The following TICRR variants were observed in gnomAD, a reference collection of about 807,000 sequenced individuals.
The protein encoded by TICRR is TOPBP1 interacting checkpoint and replication regulator.
Under a neutral mutation model 178.1 loss-of-function variants are expected in TICRR, and 132 were observed. The ratio of observed to expected loss-of-function variants is 0.74; its 90% CI spans 0.64 to 0.86. The LOEUF (loss-of-function observed/expected upper bound fraction) is 0.86. Among genes scored for constraint, TICRR ranks in the 40% least tolerant of loss-of-function variants. The pLI is 0.00. For synonymous variants in TICRR, 991 were observed against 900.7 expected (o/e 1.10, Z -1.79); for missense variants, 2,587 against 2,334.3 (o/e 1.11, Z -2.23).
chr15:89,616,390 G>T lies in TICRR; in HGVS notation c.2870-15G>T, dbSNP rs1332502394. 2 of 1,609,602 alleles carry T rather than the reference G, an allele frequency of 1.2e-6. No homozygotes were observed. Among genetic ancestry groups the T allele is most frequent in the Non-Finnish European group, 1.7e-6 (2 of 1,176,002 alleles). ...TTAAATGAAATTTATGATTTAAGCT[G>T]TGTTTACATTTTAGGTTATCACAAA... On this transcript the variant is annotated splice_polypyrimidine_tract_variant and intron_variant, in intron 15 of 21. Coordinates refer to ENST00000268138, the MANE Select transcript of TICRR (RefSeq NM_152259.4).
intron 15 of TICRR, among the ~76,000 whole-genome samples, chr15:89,616,121 G>C (rs1195412088): frequency 6.6e-6 from 1 of 152,168 alleles, no homozygotes; most frequent in Non-Finnish European, 1.5e-5. Context: ...CTGACCTCAA[G>C]TGATCCGCCC....
chr15:89,581,123 G>A (rs768109073), intron 1 of TICRR, among the ~76,000 whole-genome samples: 13 of 152,296 alleles, frequency 8.5e-5, no homozygotes, highest in Non-Finnish European at 1.3e-4. Context: ...GACCATGGAC[G>A]ATTCCCTGCT....
Position 89,625,617 on chromosome 15 carries a change from G to A in TICRR, c.5307G>A (p.Gly1769=), listed in dbSNP as rs1431690623. The part of the protein sequence containing the change: ...AEEASSWGQF[G]LSSRKRVLLA... The stretch of plus-strand genomic sequence containing the variant: ...AAGCCTCTTCCTGGGGACAGTTTGG[G>A]TTGAGTTCCAGGAAGAGAGTCCTGT... Residue 1769 remains glycine (G), a synonymous_variant, in exon 20 of 22, where the codon GGG becomes GGA. Coordinates refer to ENST00000268138, the MANE Select transcript of TICRR (RefSeq NM_152259.4). 1.2e-6 allele frequency: 2 copies of A among 1,613,292 alleles called. No homozygotes were observed. Among genetic ancestry groups the A allele is most frequent in the South Asian group, 1.1e-5 (1 of 91,084 alleles).
chr15:89,578,438 G>A (rs1962663576), intron 1 of TICRR, among the ~76,000 whole-genome samples: 1 of 152,146 alleles, frequency 6.6e-6, no homozygotes, highest in African/African-American at 2.4e-5. Flanking sequence ...AACATTTGAT[G>A]GGGAAAATGA....
chr15:89,595,621 T>A lies in TICRR; in HGVS notation c.1900+10T>A. The A allele has an allele frequency of 1.2e-6, 2 of 1,606,240 alleles. No homozygotes were observed. The highest frequency in any genetic ancestry group is 1.7e-6 in the Non-Finnish European group (2 of 1,173,914). On this transcript the variant is annotated intron_variant, in intron 7 of 21. Coordinates refer to ENST00000268138, the MANE Select transcript of TICRR (RefSeq NM_152259.4). ...AGTTCTAAACCTAAAGGTATTCCTCTTAGTCTATAATTTACTCTTTTATAC... is the reference window on the plus strand; with the variant it reads ...AGTTCTAAACCTAAAGGTATTCCTCATAGTCTATAATTTACTCTTTTATAC...
intron 21 of TICRR, 53 bp downstream of exon 21, chr15:89,626,114 C>T (rs1963521040): frequency 1.3e-6 from 2 of 1,593,214 alleles, no homozygotes; most frequent in Middle Eastern, 1.7e-4. Flanking sequence ...TGTCTGAATT[C>T]ACCAGGGTTG....
chr15:89,605,143 G>C (rs1379584985), intron 13 of TICRR, among the ~76,000 whole-genome samples: 1 of 152,126 alleles, frequency 6.6e-6, no homozygotes, highest in Non-Finnish European at 1.5e-5. Flanking sequence ...AACTTTTTCT[G>C]TAAAGGGCCA....
At chr15:89,607,480 G>A (rs1963192202) in intron 14 of TICRR, among the ~76,000 whole-genome samples, 1 of 152,060 alleles carries the variant, frequency 6.6e-6, no homozygotes, top group African/African-American at 2.4e-5. Context: ...ATTATTATTT[G>A]AAACTTGCTA....
chr15:89,620,677 C>G (rs968490035), intron 18 of TICRR, among the ~76,000 whole-genome samples: 2 of 151,970 alleles, frequency 1.3e-5, no homozygotes, highest in African/African-American at 4.8e-5. Flanking sequence ...AAATTGTTGC[C>G]TTCTTTCTTT....
chr15:89,595,352 G>A, intron 6 of TICRR, 41 bp from the exon 7 acceptor site: 1 of 1,450,880 alleles, frequency 6.9e-7, no homozygotes, highest in Non-Finnish European at 9.7e-7. Flanking sequence ...CACAGAAGTG[G>A]AAGGCAATTT....
At chr15:89,580,712 T>A (rs958583031) in intron 1 of TICRR, among the ~76,000 whole-genome samples, 6 of 152,158 alleles carry the variant, frequency 3.9e-5, no homozygotes, top group African/African-American at 1.4e-4. Context: ...TCTATCAAAG[T>A]CCGTCAGATG....
At chr15:89,617,420 C>T (rs1378168873) in intron 16 of TICRR, among the ~76,000 whole-genome samples, 1 of 152,126 alleles carries the variant, frequency 6.6e-6, no homozygotes, top group South Asian at 2.1e-4. Context: ...CTGTGATAGT[C>T]TGATAGTTTG....
intron 15 of TICRR, among the ~76,000 whole-genome samples, chr15:89,613,734 CTTTTTTTTT>C (rs34162195): frequency 4.9e-5 from 3 of 61,520 alleles, no homozygotes; most frequent in Middle Eastern, 0.014. Flanking sequence ...TTTCTATTCG[CTTTTTTTTT>C]TTTTTTTTTT....
chr15:89,606,678 C>G (rs753992218), intron 13 of TICRR, 90 bp from the exon 14 acceptor site: 6 of 1,030,578 alleles, frequency 5.8e-6, no homozygotes, highest in Non-Finnish European at 9.0e-6. Context: ...AAATGAATTA[C>G]AAGAGTCAAA....
chr15:89,596,203 A>G (rs1185207738), intron 7 of TICRR, among the ~76,000 whole-genome samples: 1 of 152,220 alleles, frequency 6.6e-6, no homozygotes, highest in Non-Finnish European at 1.5e-5. Context: ...TGCTGGAACA[A>G]CTAGATACCT....
chr15:89,602,100 C>A, intron 12 of TICRR, 124 bp downstream of exon 12: 1 of 1,211,052 alleles, frequency 8.3e-7, no homozygotes, highest in Non-Finnish European at 1.1e-6. Context: ...GCCCTTATGT[C>A]TGAATCAGAG....
chr15:89,577,598 C>CA (rs1232317041), intron 1 of TICRR, among the ~76,000 whole-genome samples: 1 of 71,640 alleles, frequency 1.4e-5, no homozygotes, highest in Non-Finnish European at 2.9e-5. Context: ...TGAGGGAAGG[C>CA]CTTTTTTTTT....
Position 89,597,385 on chromosome 15 carries a change from G to A in TICRR, c.1900+1774G>A, listed in dbSNP as rs540646845. 4.6e-5 allele frequency among the ~76,000 whole-genome samples: 7 copies of A among 152,096 alleles called. No individual in the cohort carries two copies. In the South Asian group the frequency reaches 1.0e-3, roughly 23 times the overall value. On this transcript the variant is annotated intron_variant, in intron 7 of 21. Coordinates refer to ENST00000268138, the MANE Select transcript of TICRR (RefSeq NM_152259.4). The stretch of plus-strand genomic sequence containing the variant: ...CTAAAAATACAAAAATTAGCCAGGC[G>A]TGGTGGCAGGCGCCTGTAGTCCCAG...
chr15:89,610,440 T>G (rs180868809), intron 15 of TICRR, among the ~76,000 whole-genome samples: 14 of 152,380 alleles, frequency 9.2e-5, no homozygotes, highest in Non-Finnish European at 1.6e-4. Context: ...TCAATTAAAC[T>G]TCTTACCAAT....
Sources: gnomAD v4.1 joint callset for allele counts (sites outside exome capture counted in the v4.1 genomes callset) on GRCh38, gnomAD v4.1.1 for gene constraint, MANE v1.5 for transcripts, NCBI Gene and HGNC (gene_info 2026-07-23, HGNC 2026-07-21) for gene names.